Variants in SDK1 observed in about 807,000 individuals in gnomAD.
SDK1 encodes the protein protein sidekick-1.
A neutral mutation model predicts 245.5 loss-of-function variants in SDK1; 157 were observed. The ratio of observed to expected loss-of-function variants is 0.64; its 90% CI spans 0.56 to 0.73. The LOEUF is 0.73. Among genes scored for constraint, SDK1 ranks in the 30% least tolerant of loss-of-function variants. SDK1 has a pLI of 0.00. For missense variants in SDK1, 3,583 were observed against 3,002.3 expected, an observed-to-expected ratio of 1.19 and a Z score of -4.52; for synonymous variants, 1,647 against 1,278.5, an observed-to-expected ratio of 1.29 and a Z score of -6.15.
chr7:3,911,264 TC>T (rs377187170), intron 5 of SDK1, among the ~76,000 whole-genome samples: 2 of 152,186 alleles, frequency 1.3e-5, no homozygotes, highest in African/African-American at 2.4e-5. Context: ...GTCCTCTAGA[TC>T]CTGTACCCCC....
At chr7:3,425,422 C>T (rs1450634571) in intron 1 of SDK1, among the ~76,000 whole-genome samples, 1 of 152,128 alleles carries the variant, frequency 6.6e-6, no homozygotes, top group Non-Finnish European at 1.5e-5. Flanking sequence ...TTTAAATTGT[C>T]ATCTTCCAAT....
chr7:4,216,967 C>G (rs1784831730), intron 38 of SDK1, among the ~76,000 whole-genome samples: 1 of 150,758 alleles, frequency 6.6e-6, no homozygotes, highest in Admixed American at 6.6e-5. Flanking sequence ...TCCAGAGCAC[C>G]AGGCCACCCG....
At position 3,508,308 on chromosome 7, in the gene SDK1, A is replaced by ATTC. The variant is rs202047832; in HGVS notation, c.299-110754_299-110752dup. ...TTACTCTTTCCTCTCTGACATCATC[A>ATTC]TTCTTCTTCTTCTTCTTCTTTTTTT... On this transcript the variant is annotated intron_variant, in intron 1 of 44. Transcript: ENST00000404826. 3.6e-3 allele frequency among the ~76,000 whole-genome samples: 510 copies of ATTC among 140,890 alleles called. 15 individuals carry two copies. Among genetic ancestry groups the ATTC allele is most frequent in the East Asian group, 9.2e-3 (44 of 4,794 alleles). The allele number at this position is 140,890 out of a possible 152,430, so 92.4% of individuals were successfully genotyped here. A position where few individuals can be genotyped will look rare whatever the true frequency, so the allele number is the denominator to read the frequency against.
chr7:4,091,713 C>T (rs1488675891), intron 22 of SDK1, among the ~76,000 whole-genome samples: 1 of 152,112 alleles, frequency 6.6e-6, no homozygotes, highest in South Asian at 2.1e-4. Context: ...GGGTGTTTCA[C>T]TGGCAGGCCA....
At chr7:3,577,637 C>G (rs1319384391) in intron 1 of SDK1, among the ~76,000 whole-genome samples, 5 of 151,994 alleles carry the variant, frequency 3.3e-5, no homozygotes, top group African/African-American at 1.2e-4. Context: ...TGTTTTGTGT[C>G]AGATACTGTG....
chr7:3,644,917 G>T (rs1237413814), intron 4 of SDK1, among the ~76,000 whole-genome samples: 2 of 151,816 alleles, frequency 1.3e-5, no homozygotes, highest in Non-Finnish European at 2.9e-5. Flanking sequence ...TGTTGGGGGA[G>T]AATTGGTACC....
chr7:3,655,467 A>G (rs1355883889), intron 4 of SDK1, among the ~76,000 whole-genome samples: 1 of 26,548 alleles, frequency 3.8e-5, no homozygotes, highest in African/African-American at 9.1e-5. Flanking sequence ...ATATATATAT[A>G]TATATATATA....
At chr7:4,195,832 G>A (rs1158275716) in intron 35 of SDK1, among the ~76,000 whole-genome samples, 1 of 152,064 alleles carries the variant, frequency 6.6e-6, no homozygotes, top group Non-Finnish European at 1.5e-5. Context: ...CCAGCCTCTC[G>A]GCAGCAGCAG....
In SDK1 at chr7:3,840,307, A is replaced by G. The variant is rs576532486; in HGVS notation, c.847+18724A>G. Among the ~76,000 whole-genome samples the G allele has an allele frequency of 4.1e-4, 62 of 152,320 alleles. 2 individuals carry two copies. In the South Asian group the frequency reaches 0.013, roughly 31 times the overall value. ...ACATGTTGGGCCAATATATTTAACAATAATCATCAAGAAATAGGAAAAGAC... is the reference window on the plus strand; with the variant it reads ...ACATGTTGGGCCAATATATTTAACAGTAATCATCAAGAAATAGGAAAAGAC... On this transcript the variant is annotated intron_variant, in intron 5 of 44. Transcript: ENST00000404826.
intron 4 of SDK1, among the ~76,000 whole-genome samples, chr7:3,716,776 A>G (rs1785213885): frequency 6.6e-6 from 1 of 151,562 alleles, no homozygotes; most frequent in Non-Finnish European, 1.5e-5. Context: ...AAAAAGAAAA[A>G]AAAAAAAGAA....
At chr7:3,880,433 A>G (rs1416387932) in intron 5 of SDK1, among the ~76,000 whole-genome samples, 3 of 151,834 alleles carry the variant, frequency 2.0e-5, no homozygotes, top group African/African-American at 7.3e-5. Context: ...CCTCAGCAGC[A>G]GGAGCCCGGC....
intron 21 of SDK1, among the ~76,000 whole-genome samples, chr7:4,079,089 CTGTGTGGTT>C (rs1299391900): frequency 6.6e-6 from 1 of 152,236 alleles, no homozygotes; most frequent in African/African-American, 2.4e-5. Flanking sequence ...CGCTCGTTCT[CTGTGTGGTT>C]TGAGGAGCCA....
intron 1 of SDK1, among the ~76,000 whole-genome samples, chr7:3,597,251 G>T (rs544132389): frequency 2.4e-3 from 324 of 137,166 alleles, no homozygotes; most frequent in Non-Finnish European, 3.5e-3. Context: ...CAGCCTGGTC[G>T]ACAGAGTAAG....
At chr7:3,815,022 A>G (rs1227040277) in intron 4 of SDK1, among the ~76,000 whole-genome samples, 19 of 143,898 alleles carry the variant, frequency 1.3e-4, no homozygotes, top group South Asian at 2.3e-4. Flanking sequence ...GGCTGAGACA[A>G]TGGGGTTTTC....
At chr7:4,051,241 T>C (rs1036179219) in intron 18 of SDK1, among the ~76,000 whole-genome samples, 119 of 143,254 alleles carry the variant, frequency 8.3e-4, no homozygotes, top group Non-Finnish European at 1.5e-3. Context: ...TGTTATATAG[T>C]ATATAGGTTG....
intron 21 of SDK1, among the ~76,000 whole-genome samples, chr7:4,078,405 C>T (rs905774817): frequency 1.3e-5 from 2 of 152,158 alleles, no homozygotes; most frequent in South Asian, 4.1e-4. Flanking sequence ...TCAATTTAAA[C>T]ATTTTCTATT....
chr7:3,346,073 GTC>G (rs1354160800), intron 1 of SDK1, among the ~76,000 whole-genome samples: 2 of 152,194 alleles, frequency 1.3e-5, no homozygotes, highest in East Asian at 3.8e-4. Flanking sequence ...AAGATTTAGA[GTC>G]TCAGTTTTTC....
At chr7:3,989,286 G>C (rs1422574448) in intron 14 of SDK1, among the ~76,000 whole-genome samples, 1 of 152,184 alleles carries the variant, frequency 6.6e-6, no homozygotes, top group East Asian at 1.9e-4. Context: ...GCTTGTGCAG[G>C]AAAACTCCCC....
At chr7:4,096,120 T>C (rs1035049433) in intron 22 of SDK1, among the ~76,000 whole-genome samples, 17 of 152,296 alleles carry the variant, frequency 1.1e-4, no homozygotes, top group Non-Finnish European at 1.6e-4. Context: ...TTTCCTCTCT[T>C]CAAAAGTCCA....
Sources: allele counts gnomAD v4.1 joint callset (sites outside exome capture counted in the v4.1 genomes callset), GRCh38; gene constraint gnomAD v4.1.1; transcripts MANE v1.5; gene names NCBI Gene and HGNC (gene_info 2026-07-23, HGNC 2026-07-21).